Variants in PPP1R21 observed in about 807,000 individuals in gnomAD.
PPP1R21 encodes the protein KLRAQ motif containing 1.
A neutral mutation model predicts 112.8 loss-of-function variants in PPP1R21; 85 were observed. The observed-to-expected ratio is 0.75, with a 90% CI of 0.63 to 0.90. The LOEUF is 0.90. PPP1R21 is among the 40% of genes least tolerant of loss of function. The pLI is 0.00. For synonymous variants in PPP1R21, 381 were observed against 322.3 expected, an observed-to-expected ratio of 1.18 and a Z score of -1.95; for missense variants, 1,199 against 901.5, an observed-to-expected ratio of 1.33 and a Z score of -4.23.
At position 48,446,911 on chromosome 2, in the gene PPP1R21, C is replaced by T. The variant is rs143597912; in HGVS notation, c.58-4097C>T. ...GATTACATGCGCCTGCCACCATGCC[C>T]GGCTAATTTTTGTATTTTCAGTAGA... On this transcript the variant is annotated intron_variant, in intron 1 of 21. Coordinates refer to ENST00000294952, the MANE Select transcript of PPP1R21 (RefSeq NM_001135629.3). Among the ~76,000 whole-genome samples, 1,458 of 152,156 alleles carry T rather than the reference C, an allele frequency of 9.6e-3. 28 individuals carry two copies. The highest frequency in any genetic ancestry group is 0.031 in the Middle Eastern group (9 of 294).
intron 8 of PPP1R21, 99 bp from the exon 9 acceptor site, chr2:48,465,394 C>A: frequency 1.9e-6 from 2 of 1,076,618 alleles, no homozygotes; most frequent in Non-Finnish European, 2.7e-6. Flanking sequence ...GGAATAATCA[C>A]ACTAGGATTC....
chr2:48,459,502 T>C (rs1293490638), intron 4 of PPP1R21, among the ~76,000 whole-genome samples: 1 of 152,200 alleles, frequency 6.6e-6, no homozygotes, highest in East Asian at 1.9e-4. Context: ...TCAGTTCTAC[T>C]ATATTTTAGC....
In PPP1R21 at chr2:48,507,357, A is replaced by C; in HGVS notation, c.2057A>C (p.Asp686Ala). ...CTTACGTCTCAGTTGCAGCTGGCTG[A>C]CAGTAAGTCAGTGCATTTTTATGCC... ...VELTSQLQLA[D>A]SKSVHFYAEC... Residue 686 changes from aspartate to alanine, a missense_variant, in exon 19 of 22, where the codon GAC becomes GCC. By Grantham distance (126) the Asp-to-Ala change is moderately radical. Transcript: ENST00000294952. 1 of 1,596,072 alleles carries C rather than the reference A, an allele frequency of 6.3e-7. No homozygotes were observed. The highest frequency in any genetic ancestry group is 8.5e-7 in the Non-Finnish European group (1 of 1,174,704).
rs187319249 is a variant in PPP1R21, at chr2:48,455,702, G to A, written c.273+961G>A. 8.2e-4 allele frequency among the ~76,000 whole-genome samples: 125 copies of A among 152,194 alleles called. 1 individual carries two copies. Among genetic ancestry groups the A allele is most frequent in the African/African-American group, 2.9e-3 (122 of 41,534 alleles). On this transcript the variant is annotated intron_variant, in intron 3 of 21. Coordinates refer to ENST00000294952, the MANE Select transcript of PPP1R21 (RefSeq NM_001135629.3). Reference sequence around the variant, plus strand: ...TTGAGCAAATAAAATGAGGGAGATTGTCAAAGCGTTACTACTCATATGAAA... The same window carrying A: ...TTGAGCAAATAAAATGAGGGAGATTATCAAAGCGTTACTACTCATATGAAA...
chr2:48,495,521 A>C (rs375556629), intron 15 of PPP1R21, among the ~76,000 whole-genome samples, 158 bp from the exon 16 acceptor site: 59 of 152,282 alleles, frequency 3.9e-4, no homozygotes, highest in African/African-American at 1.3e-3. Context: ...TCTTTTAAAA[A>C]ATTATCTTCG....
Position 48,498,574 on chromosome 2 carries a change from A to G in PPP1R21, c.1774A>G (p.Lys592Glu). The stretch of plus-strand genomic sequence containing the variant: ...GTTGGAAGCACAATTAGCCAAAATC[A>G]AGCTAGAGAAAGAAAACCAGCGAAT... ...WMLEAQLAKI[K>E]LEKENQRIAD... Residue 592 changes from lysine to glutamate, a missense_variant, in exon 17 of 22, where the codon AAG (lysine) becomes GAG (glutamate). Lys to Glu is a moderately conservative substitution (Grantham distance 56). Transcript: ENST00000294952. 1 of 1,614,260 alleles carries G rather than the reference A, an allele frequency of 6.2e-7. No individual in the cohort carries two copies. Among genetic ancestry groups the G allele is most frequent in the South Asian group, 1.1e-5 (1 of 91,088 alleles).
chr2:48,467,675 A>G (rs1394511806), intron 9 of PPP1R21, among the ~76,000 whole-genome samples: 1 of 152,226 alleles, frequency 6.6e-6, no homozygotes, highest in Non-Finnish European at 1.5e-5. Context: ...GCAAGGTGGA[A>G]GCCACAGTGC....
chr2:48,506,472 T>C (rs1453778354), intron 18 of PPP1R21, among the ~76,000 whole-genome samples: 3 of 152,206 alleles, frequency 2.0e-5, no homozygotes, highest in Non-Finnish European at 4.4e-5. Context: ...CTGGTTAATA[T>C]AGTTCAAGTA....
rs1007327355 is a variant in PPP1R21 at position 48,477,451 on chromosome 2, C to T, written c.1226-2473C>T. On this transcript the variant is annotated intron_variant, in intron 12 of 21. Transcript: ENST00000294952. Reference sequence around the variant, plus strand: ...TTAATTTTTGTATATGGTGCCTGTGCCTATGCAGTTGTCCCTGCACCATTT... The same window carrying T: ...TTAATTTTTGTATATGGTGCCTGTGTCTATGCAGTTGTCCCTGCACCATTT... Among the ~76,000 whole-genome samples the T allele has an allele frequency of 4.6e-5, 7 of 152,204 alleles. No individual in the cohort carries two copies. The East Asian group carries it at 1.4e-3, about 29-fold the overall frequency.
chr2:48,506,798 T>G lies in PPP1R21; in HGVS notation c.1969-471T>G, dbSNP rs190372703. 2.0e-3 allele frequency among the ~76,000 whole-genome samples: 305 copies of G among 152,128 alleles called. 2 individuals are homozygous for G. The highest frequency in any genetic ancestry group is 0.019 in the Admixed American group (292 of 15,270). On this transcript the variant is annotated intron_variant, in intron 18 of 21. Coordinates refer to ENST00000294952, the MANE Select transcript of PPP1R21 (RefSeq NM_001135629.3). ...GTCTCTACTAAAAAATATAAAAAATTAGCTGGGCGTGGTGGCGGGCGCCTG... is the reference window on the plus strand; with the variant it reads ...GTCTCTACTAAAAAATATAAAAAATGAGCTGGGCGTGGTGGCGGGCGCCTG...
At chr2:48,444,635 C>G (rs1417442020) in intron 1 of PPP1R21, among the ~76,000 whole-genome samples, 1 of 152,170 alleles carries the variant, frequency 6.6e-6, no homozygotes, top group Non-Finnish European at 1.5e-5. Flanking sequence ...CAATGATTCT[C>G]AAAGTGTGGA....
intron 7 of PPP1R21, among the ~76,000 whole-genome samples, chr2:48,461,494 A>T (rs1572842968): frequency 1.3e-5 from 2 of 152,208 alleles, no homozygotes; most frequent in African/African-American, 4.8e-5. Context: ...GCATTTTCCA[A>T]GATAAAAAAC....
chr2:48,447,848 G>A (rs920140793), intron 1 of PPP1R21, among the ~76,000 whole-genome samples: 1 of 152,162 alleles, frequency 6.6e-6, no homozygotes, highest in Non-Finnish European at 1.5e-5. Context: ...TTCTTGGGAG[G>A]CTGAGGCAGG....
At chr2:48,479,669 G>A in intron 12 of PPP1R21, 1 of 614,094 alleles carries the variant, frequency 1.6e-6, no homozygotes, top group Non-Finnish European at 3.0e-6. Context: ...AATCATGACA[G>A]ACTTAATCCT....
chr2:48,487,574 G>C (rs1431204409), intron 14 of PPP1R21, among the ~76,000 whole-genome samples: 2 of 151,942 alleles, frequency 1.3e-5, no homozygotes, highest in Non-Finnish European at 2.9e-5. Flanking sequence ...ACCAGCCTCA[G>C]CAACATGTCA....
intron 13 of PPP1R21, among the ~76,000 whole-genome samples, chr2:48,483,045 T>A (rs1316890439): frequency 3.3e-5 from 5 of 152,146 alleles, no homozygotes; most frequent in Non-Finnish European, 5.9e-5. Context: ...TATTTGATTT[T>A]CTGTTTCTGC....
chr2:48,479,414 A>C (rs1030024082), intron 12 of PPP1R21: 12 of 457,328 alleles, frequency 2.6e-5, no homozygotes, highest in Middle Eastern at 3.3e-4. Context: ...TGAGTAAATC[A>C]TGTGCTGTGT....
At chr2:48,459,140 A>G (rs891692121) in intron 4 of PPP1R21, among the ~76,000 whole-genome samples, 4 of 151,408 alleles carry the variant, frequency 2.6e-5, no homozygotes, top group Non-Finnish European at 5.9e-5. Flanking sequence ...ATCCAACTAT[A>G]ACCTCCTTAC....
At chr2:48,474,943 A>G (rs1668684090) in intron 12 of PPP1R21, 124 bp downstream of exon 12, 1 of 790,796 alleles carries the variant, frequency 1.3e-6, no homozygotes, top group East Asian at 2.7e-5. Flanking sequence ...GAAAACTTGA[A>G]TTCAAATTCT....
Sources: allele counts gnomAD v4.1 joint callset (sites outside exome capture counted in the v4.1 genomes callset), GRCh38; gene constraint gnomAD v4.1.1; transcripts MANE v1.5; gene names NCBI Gene and HGNC (gene_info 2026-07-23, HGNC 2026-07-21).